The following SYBU variants were observed in gnomAD, a reference collection of about 807,000 sequenced individuals.
The protein encoded by SYBU is syntabulin.
Under a neutral mutation model 35.9 loss-of-function variants are expected in SYBU, and 21 were observed. The ratio of observed to expected loss-of-function variants is 0.58; its 90% CI spans 0.41 to 0.84. The LOEUF is 0.84. SYBU is among the 40% of genes least tolerant of loss of function. The pLI is 0.00. For missense variants in SYBU, 768 were observed against 848.2 expected (o/e 0.91, Z 1.17); for synonymous variants, 319 against 324.3 (o/e 0.98, Z 0.18).
intron 6 of SYBU, among the ~76,000 whole-genome samples, chr8:109,577,345 A>G (rs1822445389): frequency 6.6e-6 from 1 of 150,456 alleles, no homozygotes; most frequent in African/African-American, 2.4e-5. Flanking sequence ...CTCAGATAAG[A>G]TCTCTTAAGC....
chr8:109,621,099 A>G (rs993512194), intron 2 of SYBU, among the ~76,000 whole-genome samples: 18 of 152,186 alleles, frequency 1.2e-4, no homozygotes, highest in Admixed American at 2.6e-4. Flanking sequence ...TGTGCTTCAG[A>G]GTGTCTAACC....
intron 3 of SYBU, among the ~76,000 whole-genome samples, chr8:109,590,065 C>G (rs1303846844): frequency 6.6e-6 from 1 of 152,070 alleles, no homozygotes; most frequent in South Asian, 2.1e-4. Context: ...ACCCATCCCC[C>G]CAAAATACAC....
intron 3 of SYBU, among the ~76,000 whole-genome samples, chr8:109,587,058 GA>G (rs1823701974): frequency 6.6e-6 from 1 of 152,114 alleles, no homozygotes; most frequent in African/African-American, 2.4e-5. Flanking sequence ...AGAAGAAAAA[GA>G]ATTTTTTAAA....
chr8:109,638,001 C>T (rs1399337729), intron 2 of SYBU, among the ~76,000 whole-genome samples: 1 of 152,186 alleles, frequency 6.6e-6, no homozygotes, highest in African/African-American at 2.4e-5. Context: ...TGACCTGGTA[C>T]ATGTATTTAA....
chr8:109,589,222 G>C (rs1823952078), intron 3 of SYBU, among the ~76,000 whole-genome samples: 1 of 152,052 alleles, frequency 6.6e-6, no homozygotes, highest in African/African-American at 2.4e-5. Flanking sequence ...ACCTCAGCTA[G>C]ACAGCCTGGA....
intron 3 of SYBU, among the ~76,000 whole-genome samples, chr8:109,616,499 C>T (rs1395851477): frequency 6.6e-6 from 1 of 151,990 alleles, no homozygotes; most frequent in Non-Finnish European, 1.5e-5. Context: ...CAAGGAAGGG[C>T]CATGATAATA....
intron 2 of SYBU, among the ~76,000 whole-genome samples, chr8:109,624,463 C>T (rs1354804823): frequency 6.6e-6 from 1 of 152,184 alleles, no homozygotes; most frequent in Non-Finnish European, 1.5e-5. Flanking sequence ...TAGAAAATTG[C>T]TATTTTGCAA....
At position 109,618,992 on chromosome 8, in the gene SYBU, G is replaced by C; in HGVS notation, c.277C>G (p.Pro93Ala). 6.2e-7 allele frequency: 1 copy of C among 1,614,154 alleles called. No individual in the cohort carries two copies. The highest frequency in any genetic ancestry group is 8.5e-7 in the Non-Finnish European group (1 of 1,180,000). ...SSQSVSPVKT[P>A]SDAGNSPIGF... ...ATGGGGCTGTTTCCAGCATCTGAGG[G>C]TGTCTTCACAGGAGACACTGACTGG... is the stretch of plus-strand genomic sequence containing the variant. Residue 93 changes from proline (P) to alanine (A), a missense_variant, in exon 3 of 7, where the codon CCC becomes GCC. Transcript: ENST00000276646.
Position 109,643,166 on chromosome 8 carries a change from C to CACACACAT in SYBU, c.25-242_25-235dup, listed in dbSNP as rs1032051100. 2.4e-6 allele frequency: 3 copies of CACACACAT among 1,232,138 alleles called. No individual in the cohort carries two copies. In the African/African-American group the frequency reaches 4.7e-5, roughly 19 times the overall value. The allele number at this position is 1,232,138 out of a possible 1,614,324, so 76.3% of individuals were successfully genotyped here. A position where few individuals can be genotyped will look rare whatever the true frequency, so the allele number is the denominator to read the frequency against. ...TGTGTGGCACACACACACACACACA[C>CACACACAT]ACACACATATACACACCTCCACTCA... On this transcript the variant is annotated intron_variant, in intron 1 of 6. Coordinates refer to ENST00000276646, the MANE Select transcript of SYBU (RefSeq NM_001099754.2).
chr8:109,582,489 GTCC>G (rs1823149547), intron 4 of SYBU, among the ~76,000 whole-genome samples: 1 of 152,146 alleles, frequency 6.6e-6, no homozygotes, highest in African/African-American at 2.4e-5. Context: ...GAAAAACGCA[GTCC>G]ACAAAGAGGA....
intron 2 of SYBU, among the ~76,000 whole-genome samples, chr8:109,636,474 A>AC (rs1394332862): frequency 1.3e-5 from 2 of 152,226 alleles, no homozygotes; most frequent in African/African-American, 4.8e-5. Context: ...CCTGTGTATC[A>AC]TTCATTTTTG....
At chr8:109,594,602 C>T (rs1348849829) in intron 3 of SYBU, among the ~76,000 whole-genome samples, 1 of 152,176 alleles carries the variant, frequency 6.6e-6, no homozygotes, top group Non-Finnish European at 1.5e-5. Context: ...TTCATCCTCA[C>T]TGTGTGACAA....
At chr8:109,689,093 G>A (rs1386994112) in intron 1 of SYBU, among the ~76,000 whole-genome samples, 1 of 151,978 alleles carries the variant, frequency 6.6e-6, no homozygotes, top group Non-Finnish European at 1.5e-5. Flanking sequence ...TTAGAAAAAT[G>A]GCCAATGTTG....
At chr8:109,644,288 C>G (rs1165798426) in intron 1 of SYBU, 3 of 518,742 alleles carry the variant, frequency 5.8e-6, no homozygotes, top group African/African-American at 1.9e-5. Flanking sequence ...GTCACTGACA[C>G]GCGGGAGTCC....
chr8:109,678,650 A>C (rs1402437178), intron 1 of SYBU, among the ~76,000 whole-genome samples: 1 of 151,984 alleles, frequency 6.6e-6, no homozygotes, highest in African/African-American at 2.4e-5. Flanking sequence ...CATGTTGGCC[A>C]GGATGGTCTC....
chr8:109,677,991 A>G (rs569031386), intron 1 of SYBU, among the ~76,000 whole-genome samples: 10 of 151,986 alleles, frequency 6.6e-5, no homozygotes, highest in South Asian at 4.2e-4. Flanking sequence ...AAAATTAGCC[A>G]GGTGTGGTGG....
intron 3 of SYBU, among the ~76,000 whole-genome samples, chr8:109,609,973 A>G (rs1810987913): frequency 6.6e-6 from 1 of 152,054 alleles, no homozygotes; most frequent in Non-Finnish European, 1.5e-5. Context: ...TGTAAATCAA[A>G]TCATTTCTCC....
At chr8:109,613,907 T>C (rs1811461780) in intron 3 of SYBU, among the ~76,000 whole-genome samples, 1 of 152,228 alleles carries the variant, frequency 6.6e-6, no homozygotes, top group Non-Finnish European at 1.5e-5. Flanking sequence ...TGTCGTAAGG[T>C]TATTAGAGTT....
Position 109,596,276 on chromosome 8 carries a change from A to G in SYBU, c.428-10114T>C, listed in dbSNP as rs577765800. Among the ~76,000 whole-genome samples the G allele has an allele frequency of 2.3e-4, 35 of 152,372 alleles. No individual in the cohort carries two copies. In the Middle Eastern group the frequency reaches 0.01, roughly 44 times the overall value. On this transcript the variant is annotated intron_variant, in intron 3 of 6. Coordinates refer to ENST00000276646, the MANE Select transcript of SYBU (RefSeq NM_001099754.2). ...TCAGATACAAAGAACTGGATTAATC[A>G]TAATTCTTGGTTTTTGACATTCTGT... is the stretch of plus-strand genomic sequence containing the variant.
Sources: gnomAD v4.1 joint callset for allele counts (sites outside exome capture counted in the v4.1 genomes callset) on GRCh38, gnomAD v4.1.1 for gene constraint, MANE v1.5 for transcripts, NCBI Gene and HGNC (gene_info 2026-07-23, HGNC 2026-07-21) for gene names.